NELL1: variants seen among roughly 807,000 people sequenced by gnomAD.
The protein encoded by NELL1 is neural EGFL like 1.
A neutral mutation model predicts 107.4 loss-of-function variants in NELL1; 76 were observed. The observed-to-expected ratio is 0.71, with a 90% CI of 0.59 to 0.86. NELL1 has a LOEUF of 0.86. Ranked by LOEUF, NELL1 falls within the 40% of genes least tolerant of loss-of-function variation. The probability of loss-of-function intolerance (pLI) is 0.00; values close to 1 mark genes in which losing one functional copy is unlikely to be tolerated. For missense variants in NELL1, 1,024 were observed against 1,005.5 expected (o/e 1.02, Z -0.25); for synonymous variants, 353 against 341.2 (o/e 1.03, Z -0.38).
intron 15 of NELL1, among the ~76,000 whole-genome samples, chr11:21,422,713 A>G (rs1852712800): frequency 6.6e-6 from 1 of 152,160 alleles, no homozygotes; most frequent in African/African-American, 2.4e-5. Context: ...GAAGGGAATT[A>G]ATACCCTAAA....
chr11:20,872,671 G>GAGGT (rs1554935711), intron 4 of NELL1, among the ~76,000 whole-genome samples: 1 of 137,094 alleles, frequency 7.3e-6, no homozygotes, highest in Non-Finnish European at 1.6e-5. Flanking sequence ...CAGTGTTTGA[G>GAGGT]GTGTGTGTGT....
At chr11:20,942,360 T>C (rs1850873321) in intron 10 of NELL1, among the ~76,000 whole-genome samples, 1 of 152,178 alleles carries the variant, frequency 6.6e-6, no homozygotes, top group African/African-American at 2.4e-5. Context: ...TCTCTCTGCA[T>C]CAGTGGGTAC....
At chr11:20,806,627 C>T (rs1436368532) in intron 3 of NELL1, among the ~76,000 whole-genome samples, 2 of 152,044 alleles carry the variant, frequency 1.3e-5, no homozygotes, top group Non-Finnish European at 2.9e-5. Flanking sequence ...TAAACTTTCT[C>T]CCCCTACCTT....
intron 12 of NELL1, among the ~76,000 whole-genome samples, chr11:21,004,045 C>T (rs1004443443): frequency 6.6e-6 from 1 of 152,114 alleles, no homozygotes; most frequent in South Asian, 2.1e-4. Context: ...AACTTTTATT[C>T]ATCCATGCAT....
rs889623811 is a variant in NELL1, at chr11:21,452,128, G to A, written c.1645+81180G>A. ...TTATTGTCAGAAAAGAAAAGAGAAG[G>A]AGAGAGGAAGGAAACATTGATTGTG... is the stretch of plus-strand genomic sequence containing the variant. On this transcript the variant is annotated intron_variant, in intron 15 of 19. Coordinates refer to ENST00000357134, the MANE Select transcript of NELL1 (RefSeq NM_006157.5). Among the ~76,000 whole-genome samples the A allele has an allele frequency of 2.6e-5, 4 of 152,154 alleles. No individual in the cohort carries two copies. The South Asian group carries it at 8.3e-4, about 32-fold the overall frequency.
At chr11:20,692,951 T>G (rs1274660642) in intron 2 of NELL1, among the ~76,000 whole-genome samples, 1 of 152,192 alleles carries the variant, frequency 6.6e-6, no homozygotes, top group Non-Finnish European at 1.5e-5. Flanking sequence ...CAGGACTTGC[T>G]TTATGAATCT....
At chr11:20,918,305 A>G in intron 6 of NELL1, 51 bp downstream of exon 6, 1 of 1,141,564 alleles carries the variant, frequency 8.8e-7, no homozygotes. Context: ...TGTTGATTGT[A>G]TCAGAGAAAC....
chr11:21,095,544 T>C (rs998496317), intron 12 of NELL1, among the ~76,000 whole-genome samples: 15 of 152,168 alleles, frequency 9.9e-5, no homozygotes, highest in African/African-American at 2.9e-4. Flanking sequence ...TTAATTGGAC[T>C]TACAGTTCCA....
intron 3 of NELL1, among the ~76,000 whole-genome samples, chr11:20,790,661 T>G (rs111905835): frequency 0.014 from 2,105 of 152,078 alleles, 56 homozygotes; most frequent in African/African-American, 0.048. Flanking sequence ...CTACCTGCTC[T>G]GTGGAGTGGG....
chr11:21,000,361 C>T (rs73458763), intron 12 of NELL1, among the ~76,000 whole-genome samples: 8,755 of 152,172 alleles, frequency 0.058, 865 homozygotes, highest in African/African-American at 0.2. Flanking sequence ...CTTAAGGGAA[C>T]CTTTATGAAC....
intron 12 of NELL1, among the ~76,000 whole-genome samples, chr11:21,065,420 A>G (rs1024886726): frequency 1.3e-5 from 2 of 152,196 alleles, no homozygotes; most frequent in Admixed American, 6.5e-5. Context: ...TCGATTTGCT[A>G]TAATACGGTC....
At chr11:20,726,235 A>AT (rs764915099) in intron 2 of NELL1, among the ~76,000 whole-genome samples, 7 of 152,192 alleles carry the variant, frequency 4.6e-5, no homozygotes, top group East Asian at 3.9e-4. Context: ...TGGTAGAATG[A>AT]TTTTTTTTGG....
At chr11:21,459,357 C>CAAAAAAAAAAAA (rs59022976) in intron 15 of NELL1, among the ~76,000 whole-genome samples, 1 of 124,590 alleles carries the variant, frequency 8.0e-6, no homozygotes, top group Non-Finnish European at 1.6e-5. Flanking sequence ...TGTTCACTAG[C>CAAAAAAAAAAAA]AAAAAAAAAA....
At chr11:21,488,867 C>T (rs917273314) in intron 15 of NELL1, among the ~76,000 whole-genome samples, 1 of 151,450 alleles carries the variant, frequency 6.6e-6, no homozygotes, top group African/African-American at 2.4e-5. Flanking sequence ...TAATGATGCA[C>T]CTTAAGGAAC....
chr11:20,963,625 G>T (rs570621187), intron 12 of NELL1, among the ~76,000 whole-genome samples: 3 of 152,080 alleles, frequency 2.0e-5, no homozygotes, highest in Admixed American at 2.0e-4. Flanking sequence ...TGAAGTGATC[G>T]GGTAGACAAG....
At chr11:21,003,556 C>A (rs1852268919) in intron 12 of NELL1, among the ~76,000 whole-genome samples, 1 of 152,058 alleles carries the variant, frequency 6.6e-6, no homozygotes, top group African/African-American at 2.4e-5. Flanking sequence ...TGCCCATAGT[C>A]ATGGGGCCTG....
intron 14 of NELL1, among the ~76,000 whole-genome samples, chr11:21,298,146 GT>G (rs1849411666): frequency 6.6e-6 from 1 of 151,968 alleles, no homozygotes; most frequent in Non-Finnish European, 1.5e-5. Context: ...TCTATGAAAT[GT>G]TTTTGTTTCA....
At chr11:21,039,343 AC>A (rs1321943977) in intron 12 of NELL1, among the ~76,000 whole-genome samples, 1 of 152,000 alleles carries the variant, frequency 6.6e-6, no homozygotes, top group Non-Finnish European at 1.5e-5. Context: ...GTATCACAAC[AC>A]CTGGCTAATT....
At chr11:21,385,916 C>A (rs1350007943) in intron 15 of NELL1, among the ~76,000 whole-genome samples, 2 of 151,748 alleles carry the variant, frequency 1.3e-5, no homozygotes. Context: ...TCTCTAGTTT[C>A]CTTCTCCTTC....
Sources: gnomAD v4.1 joint callset for allele counts (sites outside exome capture counted in the v4.1 genomes callset) on GRCh38, gnomAD v4.1.1 for gene constraint, MANE v1.5 for transcripts, NCBI Gene and HGNC (gene_info 2026-07-23, HGNC 2026-07-21) for gene names.